CPNE8: variants seen among roughly 807,000 people sequenced by gnomAD.
CPNE8 encodes the protein copine-8.
In CPNE8, 45 loss-of-function variants were observed where a neutral mutation model predicts 81.5. The observed-to-expected ratio is 0.55, with a 90% CI of 0.44 to 0.71. CPNE8 has a LOEUF of 0.71. CPNE8 is among the 30% of genes least tolerant of loss of function. The pLI is 0.00. For synonymous variants in CPNE8, 252 were observed against 226.3 expected, an observed-to-expected ratio of 1.11 and a Z score of -1.02; for missense variants, 594 against 672.1, an observed-to-expected ratio of 0.88 and a Z score of 1.28.
At chr12:38,744,266 A>G (rs1941175664) in intron 10 of CPNE8, among the ~76,000 whole-genome samples, 1 of 152,216 alleles carries the variant, frequency 6.6e-6, no homozygotes, top group Non-Finnish European at 1.5e-5. Context: ...AAATATTTTC[A>G]TTCTTCTGAC....
chr12:38,742,779 G>T (rs1435389945), intron 10 of CPNE8, among the ~76,000 whole-genome samples: 1 of 151,688 alleles, frequency 6.6e-6, no homozygotes, highest in Non-Finnish European at 1.5e-5. Flanking sequence ...TGTTTATTTT[G>T]TTCTATGTAC....
chr12:38,703,602 G>C (rs894612076), intron 13 of CPNE8, among the ~76,000 whole-genome samples: 1 of 152,078 alleles, frequency 6.6e-6, no homozygotes, highest in Non-Finnish European at 1.5e-5. Flanking sequence ...GGAAGAGCTG[G>C]CCAATCAGGC....
Position 38,685,590 on chromosome 12 carries a change from C to A in CPNE8, c.1171G>T (p.Asp391Tyr), listed in dbSNP as rs773827247. The A allele has an allele frequency of 1.9e-6, 3 of 1,613,494 alleles. No homozygotes were observed. The highest frequency in any genetic ancestry group is 2.2e-5 in the South Asian group (2 of 91,054). ...LNGNPQNPYC[D>Y]GIEGVMEAYY... The stretch of plus-strand genomic sequence containing the variant: ...GCCTCCATGACCCCCTCAATGCCAT[C>A]ACAGTAGGGGTTTTGAGGATTCCCA... Residue 391 changes from aspartate to tyrosine, a missense_variant, in exon 16 of 20, where the codon GAT becomes TAT. Transcript: ENST00000331366.
At chr12:38,895,537 A>G (rs1023869373) in intron 1 of CPNE8, among the ~76,000 whole-genome samples, 3 of 152,096 alleles carry the variant, frequency 2.0e-5, no homozygotes, top group African/African-American at 7.2e-5. Flanking sequence ...TAGGTAACTC[A>G]GCATCAGAAA....
chr12:38,715,164 T>A (rs1940355968), intron 13 of CPNE8, among the ~76,000 whole-genome samples: 1 of 152,136 alleles, frequency 6.6e-6, no homozygotes, highest in African/African-American at 2.4e-5. Context: ...AATGTTTGAC[T>A]CTCAGCAAAA....
At chr12:38,697,102 A>G (rs1173071681) in intron 14 of CPNE8, among the ~76,000 whole-genome samples, 1 of 152,210 alleles carries the variant, frequency 6.6e-6, no homozygotes, top group Non-Finnish European at 1.5e-5. Flanking sequence ...TACTATATTC[A>G]TAGTTATGTG....
At chr12:38,735,185 A>G (rs1391101131) in intron 10 of CPNE8, among the ~76,000 whole-genome samples, 2 of 152,008 alleles carry the variant, frequency 1.3e-5, no homozygotes, top group African/African-American at 4.8e-5. Flanking sequence ...CTGTCTTGCA[A>G]TTCTGTTCAA....
intron 2 of CPNE8, 82 bp from the exon 3 acceptor site, chr12:38,873,132 G>T: frequency 2.4e-6 from 2 of 829,284 alleles, no homozygotes; most frequent in Non-Finnish European, 3.8e-6. Flanking sequence ...TTTTTCAGCT[G>T]TTCAAAAGCT....
chr12:38,868,574 G>T (rs1187579556), intron 3 of CPNE8, among the ~76,000 whole-genome samples: 1 of 152,088 alleles, frequency 6.6e-6, no homozygotes, highest in African/African-American at 2.4e-5. Flanking sequence ...ATGAATCAAT[G>T]CAGCCTCTTA....
chr12:38,795,893 A>ATAGATAGATAGATAGT (rs1942455509), intron 6 of CPNE8, among the ~76,000 whole-genome samples: 1 of 152,128 alleles, frequency 6.6e-6, no homozygotes, highest in Non-Finnish European at 1.5e-5. Context: ...AGATAGATAG[A>ATAGATAGATAGATAGT]TAGATAGAAG....
intron 5 of CPNE8, among the ~76,000 whole-genome samples, chr12:38,831,022 C>T (rs1355459148): frequency 6.6e-6 from 1 of 152,014 alleles, no homozygotes; most frequent in Non-Finnish European, 1.5e-5. Flanking sequence ...GTGAGAAGTG[C>T]CCTAATTAAA....
At chr12:38,704,219 G>C (rs1380260943) in intron 13 of CPNE8, among the ~76,000 whole-genome samples, 9 of 152,070 alleles carry the variant, frequency 5.9e-5, no homozygotes, top group Admixed American at 5.9e-4. Flanking sequence ...ATATATCCAG[G>C]TAACAAACAC....
At chr12:38,905,734 G>A, upstream of CPNE8, 1 of 1,415,720 alleles carries the variant, frequency 7.1e-7, no homozygotes, top group Non-Finnish European at 9.2e-7. Flanking sequence ...CCAGTCCTGG[G>A]TGAAACTGAC....
intron 1 of CPNE8, among the ~76,000 whole-genome samples, chr12:38,889,232 T>C (rs1214321722): frequency 1.3e-5 from 2 of 152,124 alleles, no homozygotes; most frequent in Non-Finnish European, 2.9e-5. Flanking sequence ...AACAAATATG[T>C]GCAGTGAAAT....
At chr12:38,875,624 G>C (rs572321573) in intron 1 of CPNE8, among the ~76,000 whole-genome samples, 11 of 151,920 alleles carry the variant, frequency 7.2e-5, no homozygotes, top group Non-Finnish European at 1.5e-4. Flanking sequence ...CTTATTTCAG[G>C]TTCTCAAAAG....
chr12:38,671,791 A>G (rs1939182762), intron 18 of CPNE8, among the ~76,000 whole-genome samples: 3 of 152,062 alleles, frequency 2.0e-5, no homozygotes. Context: ...ATTGTTTTCA[A>G]TTTTACCTTT....
intron 6 of CPNE8, among the ~76,000 whole-genome samples, chr12:38,817,654 C>T (rs1212566636): frequency 2.6e-5 from 3 of 114,324 alleles, no homozygotes; most frequent in Non-Finnish European, 5.0e-5. Flanking sequence ...GACAAAGTCT[C>T]GCTCTGTCTC....
chr12:38,674,195 G>T (rs1338344212), intron 18 of CPNE8, among the ~76,000 whole-genome samples: 2 of 152,104 alleles, frequency 1.3e-5, no homozygotes, highest in Admixed American at 1.3e-4. Flanking sequence ...GGCTGTGCCT[G>T]CTGCTCTGTA....
At chr12:38,811,479 A>G (rs979167493) in intron 6 of CPNE8, among the ~76,000 whole-genome samples, 9 of 152,216 alleles carry the variant, frequency 5.9e-5, no homozygotes, top group African/African-American at 2.2e-4. Flanking sequence ...AAGTCACAAA[A>G]ATATATACAG....
Sources: gnomAD v4.1 joint callset for allele counts (sites outside exome capture counted in the v4.1 genomes callset) on GRCh38, gnomAD v4.1.1 for gene constraint, MANE v1.5 for transcripts, NCBI Gene and HGNC (gene_info 2026-07-23, HGNC 2026-07-21) for gene names.